The following CLYBL variants were observed in gnomAD, a reference collection of about 807,000 sequenced individuals.
CLYBL encodes the protein citramalyl-CoA lyase.
CLYBL carries 31 observed loss-of-function variants against 38.9 expected under a neutral mutation model. The ratio of observed to expected loss-of-function variants is 0.80; its 90% CI spans 0.60 to 1.08. CLYBL has a LOEUF of 1.08. Ranked by LOEUF, CLYBL falls within the 50% of genes least tolerant of loss-of-function variation. CLYBL has a pLI of 0.00. For synonymous variants in CLYBL, 171 were observed against 158.6 expected (o/e 1.08, Z -0.59); for missense variants, 434 against 411.6 (o/e 1.05, Z -0.47).
intron 1 of CLYBL, among the ~76,000 whole-genome samples, chr13:99,642,609 G>A (rs972484866): frequency 1.3e-5 from 2 of 150,906 alleles, no homozygotes; most frequent in Non-Finnish European, 2.9e-5. Context: ...GTAGAGATGA[G>A]GTCTCCCCAT....
chr13:99,858,354 T>A (rs778522590), intron 2 of CLYBL, among the ~76,000 whole-genome samples: 1 of 152,106 alleles, frequency 6.6e-6, no homozygotes, highest in African/African-American at 2.4e-5. Context: ...TGCAAAAAAA[T>A]AGTGAGTAAA....
At chr13:99,651,910 C>T (rs532402308) in intron 1 of CLYBL, among the ~76,000 whole-genome samples, 95 of 147,674 alleles carry the variant, frequency 6.4e-4, no homozygotes, top group Non-Finnish European at 1.2e-3. Context: ...CCAGCCTGGG[C>T]GACAAAGCAA....
At chr13:99,647,250 G>A (rs7991703) in intron 1 of CLYBL, among the ~76,000 whole-genome samples, 4 of 152,048 alleles carry the variant, frequency 2.6e-5, no homozygotes, top group South Asian at 2.1e-4. Flanking sequence ...CCCAGCTCAA[G>A]AAAACAATAG....
At chr13:99,689,929 ACT>A (rs1266616049) in intron 1 of CLYBL, among the ~76,000 whole-genome samples, 1 of 152,200 alleles carries the variant, frequency 6.6e-6, no homozygotes, top group African/African-American at 2.4e-5. Flanking sequence ...ATGGCGATTA[ACT>A]CTGCGTTCTT....
Position 99,863,105 on chromosome 13 carries a change from T to C in CLYBL, c.540+13T>C, listed in dbSNP as rs2051649103. 7 of 1,387,698 alleles carry C rather than the reference T, an allele frequency of 5.0e-6. No homozygotes were observed. The South Asian group carries it at 6.1e-5, about 12-fold the overall frequency. 86.0% of individuals were successfully genotyped at this position (1,387,698 alleles called of 1,614,324 possible). ...GCTCAATTTTAAGGTAAGGAAGCCA[T>C]AATACGGTTAATAAGTTAGCATTTT... On this transcript the variant is annotated intron_variant, in intron 4 of 8. Coordinates refer to ENST00000339105, the MANE Select transcript of CLYBL (RefSeq NM_206808.5).
At chr13:99,696,576 C>T (rs779366920) in intron 1 of CLYBL, among the ~76,000 whole-genome samples, 3 of 151,874 alleles carry the variant, frequency 2.0e-5, no homozygotes, top group Admixed American at 6.6e-5. Context: ...AGTCCTGATA[C>T]ATAAGACACA....
intron 1 of CLYBL, among the ~76,000 whole-genome samples, chr13:99,717,407 CAG>C (rs2048333345): frequency 8.8e-6 from 1 of 113,368 alleles, no homozygotes; most frequent in Admixed American, 1.2e-4. Flanking sequence ...GCCTGGGCGA[CAG>C]AGTGAGACTC....
At chr13:99,678,296 A>G (rs566115395) in intron 1 of CLYBL, among the ~76,000 whole-genome samples, 4 of 152,350 alleles carry the variant, frequency 2.6e-5, no homozygotes, top group African/African-American at 9.6e-5. Flanking sequence ...GGAGGCTCTC[A>G]TGTATCAGAC....
chr13:99,608,275 G>A (rs2139160209), intron 1 of CLYBL, among the ~76,000 whole-genome samples: 1 of 151,684 alleles, frequency 6.6e-6, no homozygotes. Flanking sequence ...GTTTCACCAT[G>A]TTGGCCAGGC....
intron 6 of CLYBL, among the ~76,000 whole-genome samples, chr13:99,867,531 C>T (rs767945359): frequency 6.6e-6 from 1 of 151,930 alleles, no homozygotes; most frequent in East Asian, 1.9e-4. Flanking sequence ...AGTGTGATCT[C>T]GTATAGGGAA....
chr13:99,743,964 T>G (rs2139609174), intron 1 of CLYBL, among the ~76,000 whole-genome samples: 1 of 142,266 alleles, frequency 7.0e-6, no homozygotes, highest in South Asian at 2.2e-4. Context: ...TTTCTCTTCT[T>G]TCTTTTTTTT....
chr13:99,825,113 A>G (rs1200500226), intron 2 of CLYBL, among the ~76,000 whole-genome samples: 1 of 152,226 alleles, frequency 6.6e-6, no homozygotes, highest in Admixed American at 6.5e-5. Context: ...TTGGACAGGC[A>G]GATCCTGGCC....
chr13:99,776,276 C>G (rs1287053313), intron 2 of CLYBL, among the ~76,000 whole-genome samples: 1 of 151,732 alleles, frequency 6.6e-6, no homozygotes, highest in Non-Finnish European at 1.5e-5. Flanking sequence ...AGGCGGATCA[C>G]TTGAGGCCAG....
At chr13:99,770,418 C>T (rs921085008) in intron 1 of CLYBL, among the ~76,000 whole-genome samples, 2 of 151,920 alleles carry the variant, frequency 1.3e-5, no homozygotes, top group African/African-American at 4.8e-5. Context: ...CCCGGGTTCA[C>T]GCCATTCTCC....
intron 1 of CLYBL, among the ~76,000 whole-genome samples, chr13:99,731,503 TAAA>T (rs11305509): frequency 1.6e-4 from 23 of 143,418 alleles, no homozygotes; most frequent in Middle Eastern, 3.7e-3. Flanking sequence ...CTGCTTATAT[TAAA>T]AAAAAAAAAA....
intron 1 of CLYBL, among the ~76,000 whole-genome samples, chr13:99,763,118 G>A (rs1036845491): frequency 2.9e-4 from 44 of 152,254 alleles, no homozygotes; most frequent in Non-Finnish European, 2.8e-4. Flanking sequence ...TGTGAACAAG[G>A]CTAATTTGAC....
chr13:99,833,846 C>A (rs2050875445), intron 2 of CLYBL, among the ~76,000 whole-genome samples: 1 of 151,786 alleles, frequency 6.6e-6, no homozygotes, highest in Non-Finnish European at 1.5e-5. Flanking sequence ...GGGATTCAGG[C>A]ACACACCACC....
intron 1 of CLYBL, among the ~76,000 whole-genome samples, chr13:99,667,048 G>T (rs2047491979): frequency 6.6e-6 from 1 of 151,880 alleles, no homozygotes; most frequent in Admixed American, 6.6e-5. Flanking sequence ...CTTTAGAGAG[G>T]TTTTCCTCCT....
intron 1 of CLYBL, among the ~76,000 whole-genome samples, chr13:99,662,435 G>C (rs567001476): frequency 1.3e-5 from 2 of 151,162 alleles, no homozygotes; most frequent in South Asian, 4.2e-4. Context: ...ATTAGTTACT[G>C]ATGTTAGACT....
Sources: allele counts gnomAD v4.1 joint callset (sites outside exome capture counted in the v4.1 genomes callset), GRCh38; gene constraint gnomAD v4.1.1; transcripts MANE v1.5; gene names NCBI Gene and HGNC (gene_info 2026-07-23, HGNC 2026-07-21).